DUSP26: variants seen among roughly 807,000 people sequenced by gnomAD.
DUSP26 encodes the protein dual specificity phosphatase 26.
Under a neutral mutation model 20.0 loss-of-function variants are expected in DUSP26, and 12 were observed. The observed-to-expected ratio is 0.60, with a 90% CI of 0.38 to 0.97. DUSP26 has a LOEUF of 0.97. Ranked by LOEUF, DUSP26 falls within the 50% of genes least tolerant of loss-of-function variation. DUSP26 has a pLI of 0.00. For missense variants in DUSP26, 230 were observed against 294.0 expected, an observed-to-expected ratio of 0.78 and a Z score of 1.59; for synonymous variants, 120 against 118.8, an observed-to-expected ratio of 1.01 and a Z score of -0.06.
Position 33,597,567 on chromosome 8 carries a change from G to A in DUSP26, c.-52C>T. Reference sequence around the variant, plus strand: ...CTGCAGGAGTGGCTGTGGTGATGATGGGTTCAGTTGCCAGGTAGCTGCTGC... The same window carrying A: ...CTGCAGGAGTGGCTGTGGTGATGATAGGTTCAGTTGCCAGGTAGCTGCTGC... On this transcript the variant is annotated 5_prime_UTR_variant, in exon 2 of 4. Coordinates refer to ENST00000256261, the MANE Select transcript of DUSP26 (RefSeq NM_024025.3). 6.6e-7 allele frequency: 1 copy of A among 1,505,548 alleles called. No individual in the cohort carries two copies. The highest frequency in any genetic ancestry group is 9.0e-7 in the Non-Finnish European group (1 of 1,108,130). The allele number at this position is 1,505,548 out of a possible 1,614,324, so 93.3% of individuals were successfully genotyped here. A position where few individuals can be genotyped will look rare whatever the true frequency, so the allele number is the denominator to read the frequency against.
chr8:33,597,506 C>T lies in DUSP26; in HGVS notation c.10G>A (p.Gly4Ser). The T allele has an allele frequency of 1.2e-6, 2 of 1,610,888 alleles. No individual in the cohort carries two copies. The highest frequency in any genetic ancestry group is 1.7e-6 in the Non-Finnish European group (2 of 1,178,506). The change falls in exon 2 of 4, where the codon GGT becomes AGT. Residue 4 changes from glycine to serine, a missense_variant. Gly to Ser is a moderately conservative substitution (Grantham distance 56). Transcript: ENST00000256261. The part of the protein sequence containing the change: MCP[G>S]NWLWASMTFM... ...GTCATAGAAGCCCAAAGCCAGTTAC[C>T]AGGGCACATCTTAGAGGTGGCAGAA...
chr8:33,592,316 A>G, intron 3 of DUSP26, 104 bp from the exon 4 acceptor site: 2 of 1,173,932 alleles, frequency 1.7e-6, no homozygotes, highest in South Asian at 3.2e-5. Context: ...CACGGCGGTA[A>G]TTCCAGCACT....
chr8:33,592,067 G>A lies in DUSP26; in HGVS notation c.582C>T (p.Phe194=). 6.2e-7 allele frequency: 1 copy of A among 1,614,004 alleles called. No homozygotes were observed. The highest frequency in any genetic ancestry group is 1.1e-5 in the South Asian group (1 of 91,066). The change falls in exon 4 of 4, where the codon TTC becomes TTT. Residue 194 remains phenylalanine, a synonymous_variant. Transcript: ENST00000256261. ...GGTCCAGGGCCAGGAGCTGCCTCAGGAAGCCCCGGTTGGGGATGATGCCTC... is the reference window on the plus strand; with the variant it reads ...GGTCCAGGGCCAGGAGCTGCCTCAGAAAGCCCCGGTTGGGGATGATGCCTC... The part of the protein sequence containing the change: ...DHRGIIPNRG[F]LRQLLALDRR...
At chr8:33,597,264 C>G (rs764345877) in intron 2 of DUSP26, 31 bp downstream of exon 2, 35 of 1,575,272 alleles carry the variant, frequency 2.2e-5, no homozygotes, top group Middle Eastern at 2.2e-4. Flanking sequence ...CACACACGCT[C>G]TACCGTGGGC....
At chr8:33,597,041 C>T (rs1226332526) in intron 2 of DUSP26, among the ~76,000 whole-genome samples, 1 of 152,106 alleles carries the variant, frequency 6.6e-6, no homozygotes, top group Non-Finnish European at 1.5e-5. Flanking sequence ...ACTCTAGATA[C>T]TCCTGCCTCA....
chr8:33,596,107 G>A (rs1811137837), intron 2 of DUSP26, among the ~76,000 whole-genome samples: 1 of 152,060 alleles, frequency 6.6e-6, no homozygotes, highest in East Asian at 1.9e-4. Flanking sequence ...AACATGGCTA[G>A]ACGCCGTCTC....
In DUSP26 at chr8:33,591,931, T is replaced by TACCTGCC; in HGVS notation, c.*75_*81dup. 6.5e-7 allele frequency: 1 copy of TACCTGCC among 1,542,422 alleles called. No homozygotes were observed. ...AGGATGGGTGATCTGGGCCTCCTGC[T>TACCTGCC]ACCTGCCACCTGGGCCTCCTATCTC... On this transcript the variant is annotated 3_prime_UTR_variant, in exon 4 of 4. Coordinates refer to ENST00000256261, the MANE Select transcript of DUSP26 (RefSeq NM_024025.3).
At chr8:33,593,042 C>A (rs962693684) in intron 3 of DUSP26, among the ~76,000 whole-genome samples, 1 of 152,072 alleles carries the variant, frequency 6.6e-6, no homozygotes, top group African/African-American at 2.4e-5. Flanking sequence ...GAGGCCGAGG[C>A]GGGTGGATCA....
intron 1 of DUSP26, among the ~76,000 whole-genome samples, chr8:33,598,383 G>T (rs1811199142): frequency 6.6e-6 from 1 of 151,334 alleles, no homozygotes; most frequent in African/African-American, 2.4e-5. Context: ...AAGCAGGGTT[G>T]GAGTGTTTTG....
At chr8:33,597,882 T>TACACAC (rs150976098) in intron 1 of DUSP26, 2,126 of 152,926 alleles carry the variant, frequency 0.014, 71 homozygotes, top group African/African-American at 0.051. Context: ...CCAGCACGCA[T>TACACAC]ACACACACAC....
chr8:33,597,375 C>T lies in DUSP26; in HGVS notation c.141G>A (p.Glu47=). The T allele has an allele frequency of 6.2e-7, 1 of 1,614,158 alleles. No individual in the cohort carries two copies. Among genetic ancestry groups the T allele is most frequent in the Non-Finnish European group, 8.5e-7 (1 of 1,180,040 alleles). ...TVQHPFLNVF[E]LERLLYTGKT... ...TGCCTGTGTAGAGGAGCCGCTCCAA[C>T]TCGAAGACATTGAGGAAAGGATGTT... is the stretch of plus-strand genomic sequence containing the variant. Residue 47 remains glutamate (E), a synonymous_variant, in exon 2 of 4, where the codon GAG becomes GAA. Coordinates refer to ENST00000256261, the MANE Select transcript of DUSP26 (RefSeq NM_024025.3).
intron 3 of DUSP26, among the ~76,000 whole-genome samples, chr8:33,593,073 A>G (rs1438278106): frequency 1.3e-5 from 2 of 152,122 alleles, no homozygotes; most frequent in African/African-American, 4.8e-5. Flanking sequence ...GGAGTTCAGG[A>G]CCAGCCTGGC....
chr8:33,599,524 C>A (rs1377515388), intron 1 of DUSP26, 141 bp downstream of exon 1: 2 of 151,956 alleles, frequency 1.3e-5, no homozygotes, highest in Non-Finnish European at 2.9e-5. Context: ...GGAGGGAGGG[C>A]GCCCGGGAGA....
chr8:33,596,557 G>C (rs1327169823), intron 2 of DUSP26, among the ~76,000 whole-genome samples: 8 of 152,202 alleles, frequency 5.3e-5, no homozygotes. Flanking sequence ...ACTCCAGCCT[G>C]GGTGACAGAG....
intron 2 of DUSP26, among the ~76,000 whole-genome samples, chr8:33,594,940 T>G (rs1018802058): frequency 2.6e-5 from 4 of 152,080 alleles, no homozygotes; most frequent in Non-Finnish European, 5.9e-5. Context: ...GCCAAGCTGG[T>G]CTCGAACTCC....
chr8:33,593,455 C>T (rs1811068549), intron 3 of DUSP26, 78 bp downstream of exon 3: 1 of 1,488,282 alleles, frequency 6.7e-7, no homozygotes, highest in African/African-American at 1.4e-5. Flanking sequence ...ACTAAAATCT[C>T]ACTCCACTCT....
intron 3 of DUSP26, 39 bp downstream of exon 3, chr8:33,593,494 G>A: frequency 6.3e-7 from 1 of 1,590,806 alleles, no homozygotes; most frequent in East Asian, 2.3e-5. Context: ...CAAATTCCAG[G>A]CACCCTGTTC....
Position 33,593,539 on chromosome 8 carries a change from G to T in DUSP26, c.430C>A (p.Pro144Thr). Residue 144 changes from proline to threonine, a missense_variant, in exon 3 of 4, where the codon CCA (proline) becomes ACA (threonine). Physicochemically the swap from Pro to Thr is conservative, Grantham distance 38. Transcript: ENST00000256261. ...CCCAGCATTCCCCTCCTACCTCCTG[G>T]CTGGCTCAGCGCCCGGTGGATGAAG... The part of the protein sequence containing the change: ...ADFIHRALSQ[P>T]GGKILVHCAV... 1 of 1,612,538 alleles carries T rather than the reference G, an allele frequency of 6.2e-7. No individual in the cohort carries two copies. Among genetic ancestry groups the T allele is most frequent in the Non-Finnish European group, 8.5e-7 (1 of 1,178,722 alleles).
Position 33,592,194 on chromosome 8 carries a change from C to T in DUSP26, c.455G>A (p.Cys152Tyr). ...SQPGGKILVH[C>Y]AVGVSRSATL... ...GGCGGATCGGCTCACGCCCACAGCA[C>T]AATGCACCAGGATCTTCCCTGAGAG... The change falls in exon 4 of 4, where the codon TGT (cysteine) becomes TAT (tyrosine). Residue 152 changes from cysteine to tyrosine, a missense_variant. Physicochemically the swap from Cys to Tyr is radical, Grantham distance 194. Coordinates refer to ENST00000256261, the MANE Select transcript of DUSP26 (RefSeq NM_024025.3). 6.2e-7 allele frequency: 1 copy of T among 1,611,062 alleles called. No homozygotes were observed. Among genetic ancestry groups the T allele is most frequent in the East Asian group, 2.2e-5 (1 of 44,786 alleles).
Sources: allele counts gnomAD v4.1 joint callset (sites outside exome capture counted in the v4.1 genomes callset), GRCh38; gene constraint gnomAD v4.1.1; transcripts MANE v1.5; gene names NCBI Gene and HGNC (gene_info 2026-07-23, HGNC 2026-07-21).